The following XIRP2 variants were observed in gnomAD, a reference collection of about 807,000 sequenced individuals.
XIRP2 encodes xin actin binding repeat containing 2.
A neutral mutation model predicts 277.0 loss-of-function variants in XIRP2; 236 were observed. That is an observed-to-expected ratio of 0.85 (90% confidence interval 0.77 to 0.95). The LOEUF (loss-of-function observed/expected upper bound fraction) is 0.95. Among genes scored for constraint, XIRP2 ranks in the 40% least tolerant of loss-of-function variants. The pLI is 0.00. For synonymous variants in XIRP2, 1,490 were observed against 1,416.5 expected (o/e 1.05, Z -1.17); for missense variants, 4,640 against 4,157.5 (o/e 1.12, Z -3.19).
At chr2:167,053,054 G>A (rs1688954776) in intron 2 of XIRP2, among the ~76,000 whole-genome samples, 1 of 152,184 alleles carries the variant, frequency 6.6e-6, no homozygotes, top group Non-Finnish European at 1.5e-5. Context: ...CACAGAGGCT[G>A]CTCATGATGT....
chr2:167,034,852 A>T (rs946350756), intron 2 of XIRP2, among the ~76,000 whole-genome samples: 1 of 152,190 alleles, frequency 6.6e-6, no homozygotes. Context: ...CCCAAATCTC[A>T]ACTTGAATTG....
intron 2 of XIRP2, among the ~76,000 whole-genome samples, chr2:167,116,524 T>C (rs768253115): frequency 1.5e-4 from 23 of 152,210 alleles, no homozygotes; most frequent in Non-Finnish European, 2.1e-4. Context: ...CCTACCTATG[T>C]TATTATGTTT....
intron 3 of XIRP2, among the ~76,000 whole-genome samples, chr2:167,151,348 T>G (rs1692010411): frequency 6.6e-6 from 1 of 152,042 alleles, no homozygotes; most frequent in South Asian, 2.1e-4. Context: ...TAAGAAATAA[T>G]AGGAAATAAA....
chr2:166,966,477 G>T (rs1686437085), intron 2 of XIRP2, among the ~76,000 whole-genome samples: 1 of 151,636 alleles, frequency 6.6e-6, no homozygotes, highest in South Asian at 2.1e-4. Flanking sequence ...ATACATATTT[G>T]TTTTATATGT....
chr2:166,983,196 A>G (rs1686919374), intron 2 of XIRP2, among the ~76,000 whole-genome samples: 1 of 152,126 alleles, frequency 6.6e-6, no homozygotes, highest in African/African-American at 2.4e-5. Flanking sequence ...CTATTGATCT[A>G]TCTTTAAGTT....
At chr2:167,174,515 A>G (rs1692782094) in intron 3 of XIRP2, among the ~76,000 whole-genome samples, 1 of 151,388 alleles carries the variant, frequency 6.6e-6, no homozygotes, top group African/African-American at 2.4e-5. Flanking sequence ...TTTCTTCTTT[A>G]TTAGTCTGGC....
chr2:166,996,794 A>AAC (rs970584616), intron 2 of XIRP2, among the ~76,000 whole-genome samples: 16 of 152,196 alleles, frequency 1.1e-4, no homozygotes, highest in East Asian at 7.7e-4. Flanking sequence ...TCCAGTGCAC[A>AAC]ACACACACAC....
chr2:167,259,111 T>G lies in XIRP2; in HGVS notation c.*1294T>G. The G allele has an allele frequency of 6.2e-7, 1 of 1,611,608 alleles. No individual in the cohort carries two copies. The highest frequency in any genetic ancestry group is 8.5e-7 in the Non-Finnish European group (1 of 1,178,244). Reference sequence around the variant, plus strand: ...CCAAGAAAAATGAGAACATTTTCAATTGTGATTTAATAGATTCTGTAGATC... The same window carrying G: ...CCAAGAAAAATGAGAACATTTTCAAGTGTGATTTAATAGATTCTGTAGATC... On this transcript the variant is annotated 3_prime_UTR_variant, in exon 11 of 11. Transcript: ENST00000409195.
At position 167,247,864 on chromosome 2, in the gene XIRP2, A is replaced by T. The variant is rs1041288393; in HGVS notation, c.6472A>T (p.Ser2158Cys). Residue 2158 changes from serine to cysteine, a missense_variant, in exon 9 of 11, where the codon AGC (serine) becomes TGC (cysteine). By Grantham distance (112) the Ser-to-Cys change is moderately radical. Transcript: ENST00000409195. The stretch of plus-strand genomic sequence containing the variant: ...TATTAAAATATTAACTGATACACAA[A>T]GCTCCAAGCCCAGTCCCACCCAGCA... ...KNIKILTDTQ[S>C]SKPSPTQHPV... 2 of 1,613,614 alleles carry T rather than the reference A, an allele frequency of 1.2e-6. No homozygotes were observed. The highest frequency in any genetic ancestry group is 2.2e-5 in the East Asian group (1 of 44,816).
At chr2:167,076,557 A>G (rs1043486990) in intron 2 of XIRP2, among the ~76,000 whole-genome samples, 1 of 152,234 alleles carries the variant, frequency 6.6e-6, no homozygotes, top group Non-Finnish European at 1.5e-5. Flanking sequence ...TTTATTAAAG[A>G]TGAAGGAGGT....
chr2:166,944,670 A>G (rs1685804975), intron 2 of XIRP2, among the ~76,000 whole-genome samples: 1 of 152,182 alleles, frequency 6.6e-6, no homozygotes, highest in Non-Finnish European at 1.5e-5. Flanking sequence ...ATTTAGGTAC[A>G]TAATTCAATA....
intron 2 of XIRP2, among the ~76,000 whole-genome samples, chr2:167,100,090 T>G (rs61084716): frequency 0.29 from 44,340 of 151,448 alleles, 9,162 homozygotes; most frequent in African/African-American, 0.59. Context: ...ACCACTGAAT[T>G]GTAGAATTGA....
rs755917166 is a variant in XIRP2 at position 167,258,397 on chromosome 2, A to G, written c.*580A>G. The G allele has an allele frequency of 2.5e-6, 4 of 1,613,448 alleles. No homozygotes were observed. Among genetic ancestry groups the G allele is most frequent in the East Asian group, 2.2e-5 (1 of 44,818 alleles). ...TTTGTCAGAAAGAGGATGTTATAGG[A>G]ATCAAAGAAATGAAAATGCCTGAAG... On this transcript the variant is annotated 3_prime_UTR_variant, in exon 11 of 11. Coordinates refer to ENST00000409195, the MANE Select transcript of XIRP2 (RefSeq NM_152381.6).
chr2:166,905,612 A>G (rs887016084), intron 2 of XIRP2, among the ~76,000 whole-genome samples: 1 of 152,012 alleles, frequency 6.6e-6, no homozygotes, highest in Non-Finnish European at 1.5e-5. Context: ...GTTCTATGTC[A>G]TAATATGGTA....
intron 2 of XIRP2, among the ~76,000 whole-genome samples, chr2:166,997,798 G>T (rs748397168): frequency 9.2e-5 from 14 of 151,994 alleles, no homozygotes; most frequent in Admixed American, 8.5e-4. Context: ...CCAGCTACTC[G>T]GGAGGCTGAA....
At chr2:167,154,959 T>C (rs1692139856) in intron 3 of XIRP2, among the ~76,000 whole-genome samples, 1 of 151,818 alleles carries the variant, frequency 6.6e-6, no homozygotes, top group Non-Finnish European at 1.5e-5. Context: ...CAGAGAATAC[T>C]ACAAACACCT....
rs748070157 is a variant in XIRP2, at chr2:167,247,777, C to T, written c.6385C>T (p.Leu2129=). The change falls in exon 9 of 11, where the codon CTG becomes TTG. Residue 2129 remains leucine, a synonymous_variant. Coordinates refer to ENST00000409195, the MANE Select transcript of XIRP2 (RefSeq NM_152381.6). ...KTVGKQQTYE[L]RNDHQKMEGF... ...CGTTGGAAAGCAACAGACATATGAA[C>T]TGAGAAATGACCACCAGAAAATGGA... 1.2e-6 allele frequency: 2 copies of T among 1,613,318 alleles called. No individual in the cohort carries two copies. The highest frequency in any genetic ancestry group is 4.5e-5 in the East Asian group (2 of 44,804).
At chr2:167,167,188 T>C (rs1573928833) in intron 3 of XIRP2, among the ~76,000 whole-genome samples, 1 of 152,252 alleles carries the variant, frequency 6.6e-6, no homozygotes, top group Non-Finnish European at 1.5e-5. Context: ...TGGTATACCT[T>C]TCTTTATCCA....
chr2:167,185,024 G>C (rs1693117527), intron 3 of XIRP2, among the ~76,000 whole-genome samples: 1 of 152,144 alleles, frequency 6.6e-6, no homozygotes, highest in East Asian at 1.9e-4. Flanking sequence ...TGCTTTCATA[G>C]TGGTTTCATA....
Sources: allele counts gnomAD v4.1 joint callset (sites outside exome capture counted in the v4.1 genomes callset), GRCh38; gene constraint gnomAD v4.1.1; transcripts MANE v1.5; gene names NCBI Gene and HGNC (gene_info 2026-07-23, HGNC 2026-07-21).